IKZF3: variants seen among roughly 807,000 people sequenced by gnomAD.
IKZF3 encodes the protein zinc finger protein Aiolos.
Under a neutral mutation model 49.0 loss-of-function variants are expected in IKZF3, and 10 were observed. That is an observed-to-expected ratio of 0.20 (90% confidence interval 0.13 to 0.35). The LOEUF (loss-of-function observed/expected upper bound fraction) is 0.35, where lower values mean the gene tolerates loss of function less well. Among genes scored for constraint, IKZF3 ranks in the 10% least tolerant of loss-of-function variants. IKZF3 has a pLI of 1.00. For synonymous variants in IKZF3, 209 were observed against 228.2 expected, an observed-to-expected ratio of 0.92 and a Z score of 0.76; for missense variants, 498 against 664.8, an observed-to-expected ratio of 0.75 and a Z score of 2.76.
chr17:39,852,282 G>T (rs1417128190), intron 1 of IKZF3, among the ~76,000 whole-genome samples: 1 of 152,034 alleles, frequency 6.6e-6, no homozygotes, highest in African/African-American at 2.4e-5. Context: ...TGGAAAAACT[G>T]GTCTGTAATC....
At chr17:39,797,721 C>T (rs2143950481) in intron 3 of IKZF3, among the ~76,000 whole-genome samples, 1 of 152,248 alleles carries the variant, frequency 6.6e-6, no homozygotes, top group East Asian at 1.9e-4. Context: ...CCGTGCCCGG[C>T]CCCTGCACTC....
At chr17:39,799,319 T>C (rs551730508) in intron 3 of IKZF3, among the ~76,000 whole-genome samples, 2 of 152,344 alleles carry the variant, frequency 1.3e-5, no homozygotes, top group South Asian at 4.1e-4. Context: ...GTGACCTCTG[T>C]TATACTGCAT....
intron 3 of IKZF3, among the ~76,000 whole-genome samples, chr17:39,798,072 A>G (rs969040839): frequency 6.6e-6 from 1 of 151,968 alleles, no homozygotes; most frequent in Non-Finnish European, 1.5e-5. Flanking sequence ...CAGTGGTTCT[A>G]TCTGTGTATC....
intron 3 of IKZF3, among the ~76,000 whole-genome samples, chr17:39,794,989 A>G (rs2061126708): frequency 6.6e-6 from 1 of 152,210 alleles, no homozygotes; most frequent in South Asian, 2.1e-4. Context: ...AGGCCAGCAG[A>G]AAAGGATCCT....
intron 4 of IKZF3, 149 bp downstream of exon 4, chr17:39,792,524 T>G (rs2061051202): frequency 1.3e-6 from 1 of 773,138 alleles, no homozygotes; most frequent in Admixed American, 2.8e-5. Flanking sequence ...TAAAAAGCAC[T>G]GAGTGAACAG....
chr17:39,840,038 C>A (rs1024542026), intron 1 of IKZF3, among the ~76,000 whole-genome samples: 7 of 152,186 alleles, frequency 4.6e-5, no homozygotes, highest in Admixed American at 1.3e-4. Flanking sequence ...TTGTGGGCAG[C>A]AGCTGGGGTG....
intron 3 of IKZF3, among the ~76,000 whole-genome samples, chr17:39,795,036 T>A (rs181814857): frequency 1.2e-3 from 182 of 152,332 alleles, no homozygotes; most frequent in Non-Finnish European, 2.3e-3. Context: ...ATGACCAGAC[T>A]CAGGCCACTC....
In IKZF3 at chr17:39,832,146, G is replaced by C. The variant is rs1258352031; in HGVS notation, c.13C>G (p.Gln5Glu). 1.9e-6 allele frequency: 3 copies of C among 1,611,048 alleles called. No homozygotes were observed. The change falls in exon 2 of 8, where the codon CAA (glutamine) becomes GAA (glutamate). Residue 5 changes from glutamine (Q) to glutamate (E), a missense_variant. By Grantham distance (29) the Gln-to-Glu change is conservative. Around this residue, in one of 3 missense-constraint regions of IKZF3, gnomAD observed 97 missense variants for 98.9 expected, o/e 0.98. Transcript: ENST00000346872. MEDI[Q>E]TNAELKSTQE... ...GTGCTTTTCAGTTCCGCATTTGTTT[G>C]TATATCTGAAAAGAAAGAGGTTATA...
At chr17:39,768,583 G>A (rs2060355200) in intron 7 of IKZF3, among the ~76,000 whole-genome samples, 1 of 152,170 alleles carries the variant, frequency 6.6e-6, no homozygotes. Context: ...CCAGTTTTGT[G>A]ACCTTGGGCA....
At chr17:39,837,576 G>GT (rs796753511) in intron 1 of IKZF3, among the ~76,000 whole-genome samples, 1 of 148,620 alleles carries the variant, frequency 6.7e-6, no homozygotes, top group South Asian at 2.1e-4. Flanking sequence ...ACCTGGCCCA[G>GT]TTTTTTTTTC....
chr17:39,824,321 T>G (rs954653473), intron 3 of IKZF3, among the ~76,000 whole-genome samples: 1 of 152,206 alleles, frequency 6.6e-6, no homozygotes, highest in African/African-American at 2.4e-5. Flanking sequence ...ACCTCCATTG[T>G]ATCTGGGAAG....
intron 5 of IKZF3, among the ~76,000 whole-genome samples, chr17:39,790,846 A>G (rs2060999967): frequency 6.6e-6 from 1 of 151,860 alleles, no homozygotes; most frequent in Admixed American, 6.6e-5. Flanking sequence ...GCCTGAGCTC[A>G]GAAGTTTGAG....
At chr17:39,779,560 G>A (rs1283339076) in intron 6 of IKZF3, among the ~76,000 whole-genome samples, 5 of 151,892 alleles carry the variant, frequency 3.3e-5, no homozygotes, top group Non-Finnish European at 5.9e-5. Context: ...CCTGAACCAG[G>A]GATCAGCAAA....
At position 39,825,756 on chromosome 17, in the gene IKZF3, A is replaced by G. The variant is rs532230928; in HGVS notation, c.163+3631T>C. ...AATTGCTCTTATGATTGAAGGACAA[A>G]AAAATAATTTTAAAACCTAAAATAT... On this transcript the variant is annotated intron_variant, in intron 3 of 7. Transcript: ENST00000346872. Among the ~76,000 whole-genome samples the G allele has an allele frequency of 2.6e-5, 4 of 152,336 alleles. No individual in the cohort carries two copies. In the South Asian group the frequency reaches 8.3e-4, roughly 32 times the overall value.
rs569876570 is a variant in IKZF3, at chr17:39,762,663, G to A, written c.*3127C>T. 6.6e-6 allele frequency: 1 copy of A among 152,440 alleles called. No individual in the cohort carries two copies. The highest frequency in any genetic ancestry group is 1.5e-5 in the Non-Finnish European group (1 of 68,110). 9.4% of individuals were successfully genotyped at this position (152,440 alleles called of 1,614,324 possible). On this transcript the variant is annotated 3_prime_UTR_variant, in exon 8 of 8. Coordinates refer to ENST00000346872, the MANE Select transcript of IKZF3 (RefSeq NM_012481.5). ...GCACTGTGGGAGGCCAAGGCGGGCA[G>A]ATCACCTGAGGTCAGGAGTTTGAGA...
At chr17:39,857,328 T>C (rs1394933997) in intron 1 of IKZF3, among the ~76,000 whole-genome samples, 2 of 152,208 alleles carry the variant, frequency 1.3e-5, no homozygotes, top group Non-Finnish European at 2.9e-5. Flanking sequence ...GTGCCAAATA[T>C]TCTGGTAAAT....
chr17:39,804,556 A>C (rs1598060959), intron 3 of IKZF3, among the ~76,000 whole-genome samples: 1 of 152,206 alleles, frequency 6.6e-6, no homozygotes. Flanking sequence ...GTAGATCACA[A>C]TAGACCCCTA....
chr17:39,844,020 A>G (rs1023785114), intron 1 of IKZF3, among the ~76,000 whole-genome samples: 5 of 152,194 alleles, frequency 3.3e-5, no homozygotes, highest in Admixed American at 3.3e-4. Flanking sequence ...AAACTTGTTA[A>G]ATATTTCTAA....
intron 3 of IKZF3, among the ~76,000 whole-genome samples, chr17:39,827,457 C>A (rs1275074760): frequency 2.0e-5 from 3 of 151,968 alleles, no homozygotes; most frequent in African/African-American, 7.3e-5. Context: ...CCACACCTGG[C>A]TAATTTATTT....
Sources: allele counts gnomAD v4.1 joint callset (sites outside exome capture counted in the v4.1 genomes callset), GRCh38; gene constraint gnomAD v4.1.1; regional missense constraint gnomAD v4.1.1; transcripts MANE v1.5; gene names NCBI Gene and HGNC (gene_info 2026-07-23, HGNC 2026-07-21).